The following FOXRED1 variants were observed in gnomAD, a reference collection of about 807,000 sequenced individuals.
FOXRED1 encodes FAD-dependent oxidoreductase domain-containing protein 1.
Under a neutral mutation model 57.8 loss-of-function variants are expected in FOXRED1, and 52 were observed. The observed-to-expected ratio is 0.90, with a 90% confidence interval of 0.72 to 1.13. FOXRED1 has a LOEUF of 1.13. Among genes scored for constraint, FOXRED1 ranks in the 50% most tolerant of loss-of-function variants. The probability of loss-of-function intolerance (pLI) is 0.00; values close to 1 mark genes in which losing one functional copy is unlikely to be tolerated. For missense variants in FOXRED1, 589 were observed against 625.2 expected (o/e 0.94, Z 0.62); for synonymous variants, 271 against 248.3 (o/e 1.09, Z -0.86).
rs756752516 is a variant in FOXRED1 at position 126,275,446 on chromosome 11, T to C, written c.733+18T>C. ...GGTGACACGTGAGTCTGAGCTTGTTTCCTCTAGCAACCGGGGCATAGGCCT... is the reference window on the plus strand; with the variant it reads ...GGTGACACGTGAGTCTGAGCTTGTTCCCTCTAGCAACCGGGGCATAGGCCT... On this transcript the variant is annotated intron_variant, in intron 6 of 10. Coordinates refer to ENST00000263578, the MANE Select transcript of FOXRED1 (RefSeq NM_017547.4). The surrounding 1 kb of genome is among the most constrained non-coding windows in gnomAD (Gnocchi z 5.9). 1 of 1,533,934 alleles carries C rather than the reference T, an allele frequency of 6.5e-7. No individual in the cohort carries two copies. The highest frequency in any genetic ancestry group is 9.0e-7 in the Non-Finnish European group (1 of 1,106,662).
rs1950997191 is a variant in FOXRED1, at chr11:126,271,894, T to C, written c.306+237T>C. 1.9e-6 allele frequency: 1 copy of C among 526,214 alleles called. No homozygotes were observed. Among genetic ancestry groups the C allele is most frequent in the Non-Finnish European group, 3.5e-6 (1 of 288,512 alleles). 32.6% of individuals were successfully genotyped at this position (526,214 alleles called of 1,614,324 possible). A position where few individuals can be genotyped will look rare whatever the true frequency, so the allele number is the denominator to read the frequency against. On this transcript the variant is annotated intron_variant, in intron 2 of 10. Transcript: ENST00000263578. This position sits in a 1 kb window ranked among gnomAD's most constrained non-coding sequence, Gnocchi z 5.3. ...AAAGCAGATATCACCATATTGGATT[T>C]TTCGAGATCTCATAGCTCTGGTCAT...
At position 126,271,623 on chromosome 11, in the gene FOXRED1, CTA is replaced by C; in HGVS notation, c.274_275del (p.Ile92SerfsTer31). ...AAGAAGCTGGAGAGCAGACGAGGTG[CTA>C]TTCGAGTGCTAGTGGTGGAACGGGA... On this transcript the variant is annotated frameshift_variant, in exon 2 of 11. Transcript: ENST00000263578. LOFTEE classifies it high-confidence loss of function. This position sits in a 1 kb window ranked among gnomAD's most constrained non-coding sequence, Gnocchi z 5.3. The C allele has an allele frequency of 6.2e-7, 1 of 1,614,038 alleles. No homozygotes were observed. Among genetic ancestry groups the C allele is most frequent in the Non-Finnish European group, 8.5e-7 (1 of 1,180,028 alleles).
At chr11:126,270,428 G>T (rs1950951501) in intron 1 of FOXRED1, among the ~76,000 whole-genome samples, 1 of 152,242 alleles carries the variant, frequency 6.6e-6, no homozygotes, top group South Asian at 2.1e-4. Context: ...CCCCCTCATG[G>T]ATTTTAGAGT....
At chr11:126,276,661 A>T (rs1229828921) in intron 9 of FOXRED1, 138 bp downstream of exon 9, 19 of 892,652 alleles carry the variant, frequency 2.1e-5, no homozygotes, top group Non-Finnish European at 2.8e-5. Flanking sequence ...GGATCACCTG[A>T]GGTTAGGAGT....
chr11:126,277,719 C>CT lies in FOXRED1; in HGVS notation c.*32dup, dbSNP rs1403889830. 1 of 1,611,568 alleles carries CT rather than the reference C, an allele frequency of 6.2e-7. No homozygotes were observed. Among genetic ancestry groups the CT allele is most frequent in the African/African-American group, 1.3e-5 (1 of 75,032 alleles). Reference sequence around the variant, plus strand: ...GTGTGCTCTGCACTGGCTCCACTGGCTTGCATCCTGGCTGTGTTCACAGCC... The same window carrying CT: ...GTGTGCTCTGCACTGGCTCCACTGGCTTTGCATCCTGGCTGTGTTCACAGCC... On this transcript the variant is annotated 3_prime_UTR_variant, in exon 11 of 11. Transcript: ENST00000263578. This position sits in a 1 kb window ranked among gnomAD's most constrained non-coding sequence, Gnocchi z 6.8.
Position 126,269,444 on chromosome 11 carries a change from G to T in FOXRED1, c.85+153G>T, listed in dbSNP as rs1203336380. 4 of 1,451,590 alleles carry T rather than the reference G, an allele frequency of 2.8e-6. No homozygotes were observed. In the South Asian group the frequency reaches 4.8e-5, roughly 18 times the overall value. 89.9% of individuals were successfully genotyped at this position (1,451,590 alleles called of 1,614,324 possible). ...AGCTTACCTACCAGAGCTTGTAGGGGCTGTGCAGGTGTATGGCTCCCAAGG... is the reference window on the plus strand; with the variant it reads ...AGCTTACCTACCAGAGCTTGTAGGGTCTGTGCAGGTGTATGGCTCCCAAGG... On this transcript the variant is annotated intron_variant, in intron 1 of 10. Coordinates refer to ENST00000263578, the MANE Select transcript of FOXRED1 (RefSeq NM_017547.4).
chr11:126,270,455 T>G (rs1950952271), intron 1 of FOXRED1, among the ~76,000 whole-genome samples: 1 of 152,206 alleles, frequency 6.6e-6, no homozygotes, highest in Admixed American at 6.5e-5. Context: ...CAATACAAAC[T>G]GCAGTTGTGT....
intron 8 of FOXRED1, 38 bp from the exon 9 acceptor site, chr11:126,276,356 G>C (rs368695946): frequency 1.8e-5 from 19 of 1,036,952 alleles, no homozygotes; most frequent in Non-Finnish European, 2.3e-5. Context: ...TGCCGGCCAT[G>C]CTGTTTCTGC....
At position 126,275,497 on chromosome 11, in the gene FOXRED1, C is replaced by A; in HGVS notation, c.733+69C>A. On this transcript the variant is annotated intron_variant, in intron 6 of 10. Coordinates refer to ENST00000263578, the MANE Select transcript of FOXRED1 (RefSeq NM_017547.4). This position sits in a 1 kb window ranked among gnomAD's most constrained non-coding sequence, Gnocchi z 5.9. The stretch of plus-strand genomic sequence containing the variant: ...AGACTAGGTCTTATCTTCTCACTCA[C>A]AAGCTAAGCAAGGGCTGGAGGGGGA... The A allele has an allele frequency of 8.8e-7, 1 of 1,131,662 alleles. No individual in the cohort carries two copies. The highest frequency in any genetic ancestry group is 1.3e-6 in the Non-Finnish European group (1 of 741,444). 70.1% of individuals were successfully genotyped at this position (1,131,662 alleles called of 1,614,324 possible). A position where few individuals can be genotyped will look rare whatever the true frequency, so the allele number is the denominator to read the frequency against.
At position 126,275,954 on chromosome 11, in the gene FOXRED1, C is replaced by T. The variant is rs550604507; in HGVS notation, c.810+84C>T. On this transcript the variant is annotated intron_variant, in intron 7 of 10. Transcript: ENST00000263578. The surrounding 1 kb of genome is among the most constrained non-coding windows in gnomAD (Gnocchi z 5.9). ...TCTCCTTGTTTTGGTTTTCTTTGAC[C>T]CACTTTCCAGTATGGGTAAACTAAG... 5.1e-6 allele frequency: 8 copies of T among 1,573,416 alleles called. No homozygotes were observed. The South Asian group carries it at 8.9e-5, about 17-fold the overall frequency.
At position 126,275,296 on chromosome 11, in the gene FOXRED1, C is replaced by G. The variant is rs765873212; in HGVS notation, c.632-31C>G. 2 of 1,481,224 alleles carry G rather than the reference C, an allele frequency of 1.4e-6. No homozygotes were observed. Among genetic ancestry groups the G allele is most frequent in the African/African-American group, 2.8e-5 (2 of 72,524 alleles). The allele number at this position is 1,481,224 out of a possible 1,614,324, so 91.8% of individuals were successfully genotyped here. Reference sequence around the variant, plus strand: ...AATCCAAGAGCAGAAGTCCTCATCCCTCTTTGTGAGTTCTCTTTTTCTTAT... The same window carrying G: ...AATCCAAGAGCAGAAGTCCTCATCCGTCTTTGTGAGTTCTCTTTTTCTTAT... On this transcript the variant is annotated intron_variant, in intron 5 of 10. Transcript: ENST00000263578. This position sits in a 1 kb window ranked among gnomAD's most constrained non-coding sequence, Gnocchi z 5.9.
At chr11:126,269,986 C>CAAAAA (rs58199526) in intron 1 of FOXRED1, among the ~76,000 whole-genome samples, 2 of 72,316 alleles carry the variant, frequency 2.8e-5, no homozygotes, top group Admixed American at 1.6e-4. Flanking sequence ...AACTCCGTCT[C>CAAAAA]AAAAAAAAAA....
Position 126,277,682 on chromosome 11 carries a change from T to G in FOXRED1, c.1454T>G (p.Ile485Ser). The G allele has an allele frequency of 6.2e-7, 1 of 1,613,528 alleles. No individual in the cohort carries two copies. Among genetic ancestry groups the G allele is most frequent in the Non-Finnish European group, 8.5e-7 (1 of 1,180,006 alleles). Residue 485 changes from isoleucine to serine, a missense_variant, in exon 11 of 11, where the codon ATC becomes AGC. Physicochemically the swap from Ile to Ser is moderately radical, Grantham distance 142. Transcript: ENST00000263578. The surrounding 1 kb of genome is among the most constrained non-coding windows in gnomAD (Gnocchi z 6.8). ...GGAGAGAAGATCCAGGAGAACAACA[T>G]CATCTGAGCATGTGTGCTCTGCACT... Reference protein sequence around the residue: ...YLGEKIQENNII With the variant: ...YLGEKIQENNSI
In FOXRED1 at chr11:126,271,252, A is replaced by C; in HGVS notation, c.86-185A>C. 1.5e-6 allele frequency: 1 copy of C among 649,566 alleles called. No homozygotes were observed. Among genetic ancestry groups the C allele is most frequent in the Non-Finnish European group, 2.8e-6 (1 of 356,476 alleles). The allele number at this position is 649,566 out of a possible 1,614,324, so 40.2% of individuals were successfully genotyped here. A position where few individuals can be genotyped will look rare whatever the true frequency, so the allele number is the denominator to read the frequency against. On this transcript the variant is annotated intron_variant, in intron 1 of 10. Transcript: ENST00000263578. The surrounding 1 kb of genome is among the most constrained non-coding windows in gnomAD (Gnocchi z 5.3). ...CACAATGCATGAAGAGACTGATGGC[A>C]TGTGGACTATTCAGAAAACTGTGGC...
In FOXRED1 at chr11:126,277,683, C is replaced by T. The variant is rs531379130; in HGVS notation, c.1455C>T (p.Ile485=). Residue 485 remains isoleucine, a synonymous_variant, in exon 11 of 11, where the codon ATC becomes ATT. Coordinates refer to ENST00000263578, the MANE Select transcript of FOXRED1 (RefSeq NM_017547.4). The surrounding 1 kb of genome is among the most constrained non-coding windows in gnomAD (Gnocchi z 6.8). ...GAGAGAAGATCCAGGAGAACAACAT[C>T]ATCTGAGCATGTGTGCTCTGCACTG... ...YLGEKIQENN[I]I 17 of 1,613,520 alleles carry T rather than the reference C, an allele frequency of 1.1e-5. No individual in the cohort carries two copies. Among genetic ancestry groups the T allele is most frequent in the South Asian group, 9.9e-5 (9 of 91,080 alleles).
rs1017070241 is a variant in FOXRED1, at chr11:126,271,133, G to A, written c.86-304G>A. ...CTGGAAGACCCAAGTGGGGATGACA[G>A]TGCAGTTGAATATGTGAGTTGGGAT... On this transcript the variant is annotated intron_variant, in intron 1 of 10. Transcript: ENST00000263578. This position sits in a 1 kb window ranked among gnomAD's most constrained non-coding sequence, Gnocchi z 5.3. 6 of 379,486 alleles carry A rather than the reference G, an allele frequency of 1.6e-5. No individual in the cohort carries two copies. Among genetic ancestry groups the A allele is most frequent in the Non-Finnish European group, 2.5e-5 (5 of 196,720 alleles). 23.5% of individuals were successfully genotyped at this position (379,486 alleles called of 1,614,324 possible).
Position 126,275,224 on chromosome 11 carries a change from C to G in FOXRED1, c.632-103C>G, listed in dbSNP as rs1374000210. On this transcript the variant is annotated intron_variant, in intron 5 of 10. Transcript: ENST00000263578. The surrounding 1 kb of genome is among the most constrained non-coding windows in gnomAD (Gnocchi z 5.9). ...TGGTTCAGTTGGTTAAGATGACCTT[C>G]CCCGGCTTACAAGCCCTAGAGAGGG... The G allele has an allele frequency of 2.1e-6, 2 of 950,082 alleles. No individual in the cohort carries two copies. Among genetic ancestry groups the G allele is most frequent in the Non-Finnish European group, 3.4e-6 (2 of 584,978 alleles). The allele number at this position is 950,082 out of a possible 1,614,324, so 58.9% of individuals were successfully genotyped here.
In FOXRED1 at chr11:126,276,230, T is replaced by C. The variant is rs1232247257; in HGVS notation, c.971+11T>C. 3 of 1,575,290 alleles carry C rather than the reference T, an allele frequency of 1.9e-6. No individual in the cohort carries two copies. In the East Asian group the frequency reaches 7.0e-5, roughly 37 times the overall value. On this transcript the variant is annotated intron_variant, in intron 8 of 10. Coordinates refer to ENST00000263578, the MANE Select transcript of FOXRED1 (RefSeq NM_017547.4). ...GGAGCCGAGGAAAAGGTAACTGCCC[T>C]CCGGACAGCTGAGGAGGTTGGTGAG...
At position 126,276,482 on chromosome 11, in the gene FOXRED1, G is replaced by C; in HGVS notation, c.1060G>C (p.Gly354Arg). 1 of 1,609,076 alleles carries C rather than the reference G, an allele frequency of 6.2e-7. No individual in the cohort carries two copies. The highest frequency in any genetic ancestry group is 8.5e-7 in the Non-Finnish European group (1 of 1,177,836). The change falls in exon 9 of 11, where the codon GGA (glycine) becomes CGA (arginine). Residue 354 changes from glycine (G) to arginine (R), a missense_variant. By Grantham distance (125) the Gly-to-Arg change is moderately radical. Transcript: ENST00000263578. The part of the protein sequence containing the change: ...DTSGAYFRRE[G>R]LGSNYLGGRS... The stretch of plus-strand genomic sequence containing the variant: ...CAGTGGAGCCTATTTTCGCCGGGAA[G>C]GATTAGGTAGCAACTACCTAGGTGG...
Sources: gnomAD v4.1 joint callset for allele counts (sites outside exome capture counted in the v4.1 genomes callset) on GRCh38, gnomAD v4.1.1 for gene constraint, Gnocchi (gnomAD v3.1) non-coding constraint, MANE v1.5 for transcripts, NCBI Gene and HGNC (gene_info 2026-07-23, HGNC 2026-07-21) for gene names.